Variants in DOCK6 observed in about 807,000 individuals in gnomAD.
DOCK6 encodes the protein dedicator of cytokinesis 6.
DOCK6 carries 167 observed loss-of-function variants against 230.3 expected under a neutral mutation model. That is an observed-to-expected ratio of 0.73 (90% CI 0.64 to 0.82). The LOEUF (loss-of-function observed/expected upper bound fraction) is 0.82, where lower values mean the gene tolerates loss of function less well. DOCK6 is among the 40% of genes least tolerant of loss of function. DOCK6 has a pLI of 0.00. For missense variants in DOCK6, 2,598 were observed against 2,825.8 expected (o/e 0.92, Z 1.83); for synonymous variants, 1,148 against 1,185.0 (o/e 0.97, Z 0.64).
At chr19:11,226,412 A>C (rs865876920) in intron 24 of DOCK6, among the ~76,000 whole-genome samples, 1 of 152,322 alleles carries the variant, frequency 6.6e-6, no homozygotes, top group Middle Eastern at 3.4e-3. Context: ...TAATCCCAGC[A>C]CTTTGGGAGG....
intron 22 of DOCK6, among the ~76,000 whole-genome samples, chr19:11,230,892 AG>A (rs1316742385): frequency 6.6e-6 from 1 of 152,082 alleles, no homozygotes; most frequent in African/African-American, 2.4e-5. Context: ...GGCTGCTCGC[AG>A]GAACAGGAGG....
rs761702365 is a variant in DOCK6, at chr19:11,253,656, A to G, written c.115T>C (p.Cys39Arg). ...ATACTTACCCCCAGGGAGCTGCTGC[A>G]GCGCCTGCTGGAGTGGGGGGAGCCA... Reference protein sequence around the residue: ...RSGSPHSSRRCSSSLGVPLTE... With the variant: ...RSGSPHSSRRRSSSLGVPLTE... Residue 39 changes from cysteine (C) to arginine (R), a missense_variant, in exon 2 of 48, where the codon TGC (cysteine) becomes CGC (arginine). By Grantham distance (180) the Cys-to-Arg change is radical. Coordinates refer to ENST00000294618, the MANE Select transcript of DOCK6 (RefSeq NM_020812.4). 15 of 1,450,990 alleles carry G rather than the reference A, an allele frequency of 1.0e-5. No individual in the cohort carries two copies. The South Asian group carries it at 2.3e-4, about 22-fold the overall frequency. 89.9% of individuals were successfully genotyped at this position (1,450,990 alleles called of 1,614,324 possible). A position where few individuals can be genotyped will look rare whatever the true frequency, so the allele number is the denominator to read the frequency against.
At chr19:11,251,300 G>A in intron 5 of DOCK6, 1 of 566,714 alleles carries the variant, frequency 1.8e-6, no homozygotes, top group East Asian at 2.9e-5. Flanking sequence ...GCTGGGGGAG[G>A]CTACTCCTTA....
chr19:11,200,159 A>G lies in DOCK6; in HGVS notation c.6101+149T>C. ...GAGGGAGAGTCTCTCAAAAAAAAAA[A>G]CAAAAAAAAAACCGGAAACAAAACA... On this transcript the variant is annotated intron_variant, in intron 47 of 47. Coordinates refer to ENST00000294618, the MANE Select transcript of DOCK6 (RefSeq NM_020812.4). The surrounding 1 kb of genome is among the most constrained non-coding windows in gnomAD (Gnocchi z 4.3). 8.8e-6 allele frequency: 6 copies of G among 684,060 alleles called. No individual in the cohort carries two copies. In the South Asian group the frequency reaches 1.8e-4, roughly 21 times the overall value. The allele number at this position is 684,060 out of a possible 1,614,324, so 42.4% of individuals were successfully genotyped here.
chr19:11,252,935 C>G lies in DOCK6; in HGVS notation c.156G>C (p.Glu52Asp). The change falls in exon 3 of 48, where the codon GAG becomes GAC. Residue 52 changes from glutamate (E) to aspartate (D), a missense_variant. Physicochemically the swap from Glu to Asp is conservative, Grantham distance 45 (BLOSUM62 2). Transcript: ENST00000294618. ...GAAGTACATCCTCAAAGTCCAGGGG[C>G]TCGACAACTTCAGTCAGTGGGACCT... ...SLGVPLTEVV[E>D]PLDFEDVLLS... The G allele has an allele frequency of 1.2e-6, 2 of 1,610,290 alleles. No homozygotes were observed. The highest frequency in any genetic ancestry group is 1.7e-6 in the Non-Finnish European group (2 of 1,178,364).
chr19:11,228,623 G>A (rs891748108), intron 23 of DOCK6, among the ~76,000 whole-genome samples: 10 of 146,972 alleles, frequency 6.8e-5, no homozygotes, highest in South Asian at 2.1e-4. Flanking sequence ...GCAGTGGCAC[G>A]ATCTCGGCTC....
At position 11,236,991 on chromosome 19, in the gene DOCK6, G is replaced by T; in HGVS notation, c.2074-112C>A. 8.9e-7 allele frequency: 1 copy of T among 1,128,132 alleles called. No individual in the cohort carries two copies. The highest frequency in any genetic ancestry group is 1.2e-6 in the Non-Finnish European group (1 of 801,292). The allele number at this position is 1,128,132 out of a possible 1,614,324, so 69.9% of individuals were successfully genotyped here. On this transcript the variant is annotated intron_variant, in intron 18 of 47. Transcript: ENST00000294618. The surrounding 1 kb of genome is among the most constrained non-coding windows in gnomAD (Gnocchi z 5.2). Reference sequence around the variant, plus strand: ...AGCGTGAGTGTAGCCCGGTCTGGGGGTGCAGCCAAGCACCCTGCCCCCAGC... The same window carrying T: ...AGCGTGAGTGTAGCCCGGTCTGGGGTTGCAGCCAAGCACCCTGCCCCCAGC...
At chr19:11,226,826 G>T (rs2079672995) in intron 24 of DOCK6, among the ~76,000 whole-genome samples, 1 of 152,194 alleles carries the variant, frequency 6.6e-6, no homozygotes, top group African/African-American at 2.4e-5. Flanking sequence ...TCCACTGTCA[G>T]GGTCTCAGAA....
At chr19:11,258,729 G>A (rs374060526) in intron 1 of DOCK6, among the ~76,000 whole-genome samples, 8 of 144,060 alleles carry the variant, frequency 5.6e-5, no homozygotes, top group Non-Finnish European at 9.0e-5. Flanking sequence ...CAACGCGCCC[G>A]GCCTATAACT....
intron 22 of DOCK6, chr19:11,229,351 C>A: frequency 8.8e-7 from 1 of 1,130,798 alleles, no homozygotes; most frequent in Non-Finnish European, 1.1e-6. Context: ...GAGGAACCCT[C>A]GAGGTAGGAG....
At chr19:11,211,530 C>T (rs932632006) in intron 37 of DOCK6, among the ~76,000 whole-genome samples, 4 of 148,440 alleles carry the variant, frequency 2.7e-5, no homozygotes, top group Non-Finnish European at 6.0e-5. Flanking sequence ...CACCTGTCTG[C>T]TCCCCTATCC....
intron 23 of DOCK6, among the ~76,000 whole-genome samples, chr19:11,227,761 C>G (rs2147800268): frequency 6.6e-6 from 1 of 152,030 alleles, no homozygotes; most frequent in African/African-American, 2.4e-5. Context: ...AAGCCGTGGG[C>G]AGATCCTGTG....
intron 31 of DOCK6, 110 bp downstream of exon 31, chr19:11,215,691 G>A (rs1159625812): frequency 2.6e-6 from 4 of 1,562,208 alleles, no homozygotes; most frequent in Non-Finnish European, 3.5e-6. Context: ...TTCTCTCCAG[G>A]AAAAGTGAGG....
chr19:11,252,658 G>C (rs2080136268), intron 3 of DOCK6, 108 bp from the exon 4 acceptor site: 12 of 1,593,994 alleles, frequency 7.5e-6, no homozygotes, highest in Non-Finnish European at 9.5e-6. Flanking sequence ...GGGAGATGGA[G>C]GCTCAGAGAA....
chr19:11,258,724 C>T (rs1403449603), intron 1 of DOCK6, among the ~76,000 whole-genome samples: 2 of 149,006 alleles, frequency 1.3e-5, no homozygotes, highest in East Asian at 2.0e-4. Flanking sequence ...TGAGCCAACG[C>T]GCCCGGCCTA....
rs573427255 is a variant in DOCK6, at chr19:11,237,602, G to A, written c.1971+39C>T. ...CAGGTCTGCGGCCAGGTTGGGGGAC[G>A]AGGAGGGCTCAGGGGGAGGGAGGGA... On this transcript the variant is annotated intron_variant, in intron 17 of 47. Transcript: ENST00000294618. 44 of 1,600,210 alleles carry A rather than the reference G, an allele frequency of 2.7e-5. No individual in the cohort carries two copies. The East Asian group carries it at 4.1e-4, about 15-fold the overall frequency.
At chr19:11,212,243 G>A (rs896188282) in intron 35 of DOCK6, 92 bp from the exon 36 acceptor site, 62 of 1,429,542 alleles carry the variant, frequency 4.3e-5, no homozygotes, top group Non-Finnish European at 5.2e-5. Flanking sequence ...TGGCCCTTGC[G>A]TTCTTTATTT....
chr19:11,225,694 A>G (rs2147793275), intron 24 of DOCK6, among the ~76,000 whole-genome samples: 1 of 151,850 alleles, frequency 6.6e-6, no homozygotes, highest in Admixed American at 6.6e-5. Flanking sequence ...CGTGTCTCAA[A>G]CAAAAACAAA....
rs2079319380 is a variant in DOCK6 at position 11,209,192 on chromosome 19, C to T, written c.4752-89G>A. ...ACTTGTCCATTCTCTTCACTGGTTA[C>T]CCCCATGTCCGCCCCAAGGACCAGC... On this transcript the variant is annotated intron_variant, in intron 37 of 47. Transcript: ENST00000294618. 4 of 1,457,192 alleles carry T rather than the reference C, an allele frequency of 2.7e-6. 1 individual carries two copies. Among genetic ancestry groups the T allele is most frequent in the Non-Finnish European group, 2.8e-6 (3 of 1,075,206 alleles). 90.3% of individuals were successfully genotyped at this position (1,457,192 alleles called of 1,614,324 possible). A position where few individuals can be genotyped will look rare whatever the true frequency, so the allele number is the denominator to read the frequency against.
Sources: allele counts gnomAD v4.1 joint callset (sites outside exome capture counted in the v4.1 genomes callset), GRCh38; gene constraint gnomAD v4.1.1; non-coding constraint Gnocchi (gnomAD v3.1); transcripts MANE v1.5; gene names NCBI Gene and HGNC (gene_info 2026-07-23, HGNC 2026-07-21).